RASSF3: variants seen among roughly 807,000 people sequenced by gnomAD.
The protein encoded by RASSF3 is ras association domain-containing protein 3.
In RASSF3, 19 loss-of-function variants were observed where a neutral mutation model predicts 19.9. The observed-to-expected ratio is 0.96, with a 90% CI of 0.67 to 1.40. The LOEUF (loss-of-function observed/expected upper bound fraction) is 1.40, where lower values mean the gene tolerates loss of function less well. RASSF3 is among the 40% of genes most tolerant of loss of function. The pLI is 0.00. For synonymous variants in RASSF3, 110 were observed against 104.2 expected (o/e 1.06, Z -0.34); for missense variants, 306 against 289.8 (o/e 1.06, Z -0.41).
intron 1 of RASSF3, among the ~76,000 whole-genome samples, chr12:64,673,754 A>G (rs1414062469): frequency 6.6e-6 from 1 of 152,050 alleles, no homozygotes; most frequent in East Asian, 1.9e-4. Flanking sequence ...TGTGAAATAT[A>G]TCACGTTTCA....
At chr12:64,616,943 C>A (rs1870573767) in intron 1 of RASSF3, among the ~76,000 whole-genome samples, 1 of 152,194 alleles carries the variant, frequency 6.6e-6, no homozygotes, top group African/African-American at 2.4e-5. Context: ...TTAAAGCCCG[C>A]TGTTCTTTCC....
At chr12:64,599,640 C>T (rs1870054931) in intron 2 of RASSF3, among the ~76,000 whole-genome samples, 1 of 152,070 alleles carries the variant, frequency 6.6e-6, no homozygotes, top group South Asian at 2.1e-4. Flanking sequence ...CGTGGGAGCT[C>T]GGGCTGCCTT....
intron 3 of RASSF3, among the ~76,000 whole-genome samples, chr12:64,689,414 T>C (rs1210108850): frequency 6.6e-6 from 1 of 152,200 alleles, no homozygotes; most frequent in Non-Finnish European, 1.5e-5. Flanking sequence ...ACCATGGGGC[T>C]AGACCCTGTG....
intron 1 of RASSF3, among the ~76,000 whole-genome samples, chr12:64,528,094 A>C (rs1231312484): frequency 6.6e-6 from 1 of 152,042 alleles, no homozygotes; most frequent in African/African-American, 2.4e-5. Context: ...TCTTGTCTCT[A>C]AACACACACA....
chr12:64,550,494 A>C (rs1483568851), intron 2 of RASSF3, among the ~76,000 whole-genome samples: 1 of 151,890 alleles, frequency 6.6e-6, no homozygotes. Context: ...GCGAAACCCT[A>C]TCTCTACTAA....
intron 2 of RASSF3, among the ~76,000 whole-genome samples, chr12:64,584,032 A>G (rs546304912): frequency 3.2e-4 from 48 of 152,326 alleles, no homozygotes; most frequent in Non-Finnish European, 6.5e-4. Flanking sequence ...GATTACAGAC[A>G]CTGACCTTGA....
At chr12:64,514,717 T>G (rs1053212386) in intron 1 of RASSF3, among the ~76,000 whole-genome samples, 2 of 152,190 alleles carry the variant, frequency 1.3e-5, no homozygotes, top group African/African-American at 4.8e-5. Context: ...GTTTCATTCC[T>G]GCTGATGTTT....
chr12:64,608,226 G>A (rs1044330796), upstream of RASSF3, among the ~76,000 whole-genome samples: 1 of 151,970 alleles, frequency 6.6e-6, no homozygotes, highest in African/African-American at 2.4e-5. Flanking sequence ...GATTCTGATG[G>A]TATGCTGACA....
chr12:64,522,211 C>T (rs1163789639), intron 1 of RASSF3, among the ~76,000 whole-genome samples: 1 of 152,102 alleles, frequency 6.6e-6, no homozygotes, highest in African/African-American at 2.4e-5. Flanking sequence ...GTCTATGTTA[C>T]AGGGTGGATA....
rs1352724203 is a variant in RASSF3, at chr12:64,697,093, G to T, written c.*2181G>T. 1 of 141,360 alleles carries T rather than the reference G, an allele frequency of 7.1e-6. No individual in the cohort carries two copies. Among genetic ancestry groups the T allele is most frequent in the Non-Finnish European group, 1.5e-5 (1 of 65,786 alleles). The allele number at this position is 141,360 out of a possible 1,614,324, so 8.8% of individuals were successfully genotyped here. ...TTTTTTTTTTTTTTTACTTGAAGTA[G>T]ATTGTCTGAATAGGCATCCTCATCT... On this transcript the variant is annotated 3_prime_UTR_variant, in exon 5 of 5. Transcript: ENST00000542104.
intron 2 of RASSF3, among the ~76,000 whole-genome samples, chr12:64,557,892 G>A (rs1869279874): frequency 6.6e-6 from 1 of 152,020 alleles, no homozygotes; most frequent in African/African-American, 2.4e-5. Context: ...TATTATAATT[G>A]GGTCCCCTGG....
At chr12:64,619,153 T>C (rs772223575) in intron 1 of RASSF3, among the ~76,000 whole-genome samples, 7 of 152,158 alleles carry the variant, frequency 4.6e-5, no homozygotes, top group Non-Finnish European at 1.0e-4. Flanking sequence ...TGAATCTCCA[T>C]TGTCTTGGTG....
At chr12:64,627,754 T>G (rs1040716153) in intron 1 of RASSF3, among the ~76,000 whole-genome samples, 13 of 151,580 alleles carry the variant, frequency 8.6e-5, no homozygotes, top group African/African-American at 3.2e-4. Flanking sequence ...AGGTGAAAAG[T>G]ACGTTGGGCC....
chr12:64,526,255 G>C (rs114492326), intron 1 of RASSF3, among the ~76,000 whole-genome samples: 20 of 151,918 alleles, frequency 1.3e-4, no homozygotes, highest in African/African-American at 4.8e-4. Flanking sequence ...TACTTATTGC[G>C]GAATGGTTAA....
At chr12:64,676,885 C>T (rs138630664) in intron 1 of RASSF3, among the ~76,000 whole-genome samples, 1 of 151,966 alleles carries the variant, frequency 6.6e-6, no homozygotes, top group Admixed American at 6.6e-5. Flanking sequence ...CCTCCTGCCT[C>T]AGCCTCCCAA....
upstream of RASSF3, among the ~76,000 whole-genome samples, chr12:64,532,446 C>G (rs758223490): frequency 1.1e-4 from 17 of 152,146 alleles, no homozygotes; most frequent in Non-Finnish European, 2.5e-4. Flanking sequence ...CAAGAAACAT[C>G]GAGAGATTCT....
intron 1 of RASSF3, among the ~76,000 whole-genome samples, chr12:64,527,005 T>C (rs911381466): frequency 6.6e-6 from 1 of 152,242 alleles, no homozygotes; most frequent in Non-Finnish European, 1.5e-5. Context: ...ACCATGTACA[T>C]ATACCACATG....
chr12:64,641,719 C>T (rs1871539129), intron 1 of RASSF3, among the ~76,000 whole-genome samples: 1 of 151,228 alleles, frequency 6.6e-6, no homozygotes, highest in South Asian at 2.1e-4. Context: ...CTATTTAGCA[C>T]CTCCCTTGTG....
At chr12:64,553,836 G>A (rs1869205780) in intron 2 of RASSF3, among the ~76,000 whole-genome samples, 1 of 152,082 alleles carries the variant, frequency 6.6e-6, no homozygotes, top group African/African-American at 2.4e-5. Flanking sequence ...AATTAGCCAG[G>A]CATGGTGGCA....
Sources: gnomAD v4.1 joint callset for allele counts (sites outside exome capture counted in the v4.1 genomes callset) on GRCh38, gnomAD v4.1.1 for gene constraint, MANE v1.5 for transcripts, NCBI Gene and HGNC (gene_info 2026-07-23, HGNC 2026-07-21) for gene names.